INPP4B: variants seen among roughly 807,000 people sequenced by gnomAD.
INPP4B encodes inositol polyphosphate-4-phosphatase type II B.
INPP4B carries 55 observed loss-of-function variants against 122.5 expected under a neutral mutation model. The observed-to-expected ratio is 0.45, with a 90% CI of 0.36 to 0.56. The LOEUF (loss-of-function observed/expected upper bound fraction) is 0.56, where lower values mean the gene tolerates loss of function less well. Among genes scored for constraint, INPP4B ranks in the 20% least tolerant of loss-of-function variants. INPP4B has a pLI of 0.00. For missense variants in INPP4B, 1,000 were observed against 1,097.7 expected (o/e 0.91, Z 1.26); for synonymous variants, 403 against 388.7 (o/e 1.04, Z -0.43).
intron 2 of INPP4B, among the ~76,000 whole-genome samples, chr4:142,705,143 A>G (rs1762302540): frequency 6.6e-6 from 1 of 151,228 alleles, no homozygotes; most frequent in Non-Finnish European, 1.5e-5. Flanking sequence ...CTTCCTGGTC[A>G]TATTTTATTT....
At chr4:142,126,252 C>A (rs1798571438) in intron 18 of INPP4B, among the ~76,000 whole-genome samples, 1 of 151,998 alleles carries the variant, frequency 6.6e-6, no homozygotes. Flanking sequence ...AAAGCAGGAA[C>A]TGAAATGATA....
At chr4:142,480,881 G>A (rs908860322) in intron 2 of INPP4B, among the ~76,000 whole-genome samples, 4 of 152,050 alleles carry the variant, frequency 2.6e-5, no homozygotes, top group Non-Finnish European at 4.4e-5. Context: ...AAGTCATATA[G>A]AAAAGGGAAT....
chr4:142,093,778 T>C (rs898928383), intron 23 of INPP4B, among the ~76,000 whole-genome samples: 1 of 152,148 alleles, frequency 6.6e-6, no homozygotes, highest in Admixed American at 6.5e-5. Flanking sequence ...AAGAAGGCAA[T>C]ACAAAAAAAT....
At chr4:142,647,554 A>G (rs557154874) in intron 2 of INPP4B, among the ~76,000 whole-genome samples, 1 of 152,310 alleles carries the variant, frequency 6.6e-6, no homozygotes, top group East Asian at 1.9e-4. Context: ...GTGGAGAAAT[A>G]GACAGTGTCC....
At chr4:142,580,428 T>C (rs1400761121) in intron 2 of INPP4B, among the ~76,000 whole-genome samples, 2 of 151,974 alleles carry the variant, frequency 1.3e-5, no homozygotes, top group African/African-American at 4.8e-5. Flanking sequence ...GTTTTAAACA[T>C]GCATCTGAAG....
intron 12 of INPP4B, among the ~76,000 whole-genome samples, chr4:142,220,666 C>T (rs909132776): frequency 1.3e-5 from 2 of 152,152 alleles, no homozygotes; most frequent in African/African-American, 2.4e-5. Flanking sequence ...TTTGCTAAGA[C>T]TGCCATAAGA....
intron 5 of INPP4B, among the ~76,000 whole-genome samples, chr4:142,423,187 G>A (rs1415506558): frequency 6.6e-6 from 1 of 151,974 alleles, no homozygotes; most frequent in East Asian, 1.9e-4. Flanking sequence ...CATAAGTTGG[G>A]CCTCTTATGA....
chr4:142,842,380 C>G (rs939545128), intron 1 of INPP4B, among the ~76,000 whole-genome samples: 1 of 150,778 alleles, frequency 6.6e-6, no homozygotes, highest in Non-Finnish European at 1.5e-5. Context: ...TGAAATTACA[C>G]AGTCCATTGA....
At chr4:142,051,591 T>G (rs1294866857) in intron 25 of INPP4B, among the ~76,000 whole-genome samples, 1 of 152,016 alleles carries the variant, frequency 6.6e-6, no homozygotes, top group Non-Finnish European at 1.5e-5. Context: ...TGTTGTGATA[T>G]TCGAAGGAGA....
chr4:142,384,740 T>C (rs1469598706), intron 7 of INPP4B, among the ~76,000 whole-genome samples: 1 of 152,144 alleles, frequency 6.6e-6, no homozygotes, highest in Non-Finnish European at 1.5e-5. Flanking sequence ...TTAGTTAAAC[T>C]CGTGTCATGG....
intron 3 of INPP4B, among the ~76,000 whole-genome samples, chr4:142,450,350 A>G (rs776719472): frequency 2.0e-5 from 3 of 152,202 alleles, no homozygotes; most frequent in Non-Finnish European, 4.4e-5. Flanking sequence ...CCAGAATTTA[A>G]CAATTCACTA....
At chr4:142,366,063 G>A (rs1787349348) in intron 7 of INPP4B, among the ~76,000 whole-genome samples, 1 of 152,002 alleles carries the variant, frequency 6.6e-6, no homozygotes, top group Admixed American at 6.6e-5. Flanking sequence ...CTTAACTGAT[G>A]ACATTCCACC....
chr4:142,487,257 C>T (rs1167154020), intron 2 of INPP4B, among the ~76,000 whole-genome samples: 1 of 152,098 alleles, frequency 6.6e-6, no homozygotes, highest in Non-Finnish European at 1.5e-5. Flanking sequence ...TCCAATAAAC[C>T]TCTTTCTTTT....
At chr4:142,108,017 C>T (rs764812114) in intron 23 of INPP4B, 76 bp downstream of exon 23, 36 of 762,240 alleles carry the variant, frequency 4.7e-5, no homozygotes, top group Non-Finnish European at 7.6e-5. Context: ...AGTCCACTGA[C>T]CTCTATGTCT....
intron 2 of INPP4B, among the ~76,000 whole-genome samples, chr4:142,626,884 G>C (rs1746550516): frequency 1.3e-5 from 2 of 151,894 alleles, no homozygotes; most frequent in African/African-American, 2.4e-5. Context: ...TCCATTCTCT[G>C]GTATATATCA....
intron 18 of INPP4B, among the ~76,000 whole-genome samples, chr4:142,138,269 A>T (rs1805732176): frequency 6.6e-6 from 1 of 151,388 alleles, no homozygotes; most frequent in African/African-American, 2.4e-5. Context: ...CATCATTCTC[A>T]GTAAACTATC....
chr4:142,053,372 AAG>A (rs1389331306), intron 25 of INPP4B, among the ~76,000 whole-genome samples: 1 of 152,112 alleles, frequency 6.6e-6, no homozygotes, highest in Non-Finnish European at 1.5e-5. Context: ...AGAGAACCTG[AAG>A]AGAGATGGTG....
intron 2 of INPP4B, among the ~76,000 whole-genome samples, chr4:142,612,718 C>T (rs1742832354): frequency 2.0e-5 from 3 of 152,056 alleles, no homozygotes; most frequent in African/African-American, 7.2e-5. Flanking sequence ...TTTATGAGGG[C>T]ACTAATCTCA....
chr4:142,329,273 G>A (rs569933389), intron 7 of INPP4B, among the ~76,000 whole-genome samples: 6 of 152,308 alleles, frequency 3.9e-5, no homozygotes, highest in Admixed American at 2.6e-4. Context: ...CCTGCATAAC[G>A]CAGAGGAGCC....
Sources: allele counts gnomAD v4.1 joint callset (sites outside exome capture counted in the v4.1 genomes callset), GRCh38; gene constraint gnomAD v4.1.1; transcripts MANE v1.5; gene names NCBI Gene and HGNC (gene_info 2026-07-23, HGNC 2026-07-21).